TRIM41: variants seen among roughly 807,000 people sequenced by gnomAD.
The protein encoded by TRIM41 is tripartite motif containing 41, also known as E3 ubiquitin-protein ligase TRIM41.
Under a neutral mutation model 60.6 loss-of-function variants are expected in TRIM41, and 21 were observed. That is an observed-to-expected ratio of 0.35 (90% CI 0.25 to 0.50). The LOEUF (loss-of-function observed/expected upper bound fraction) is 0.50. TRIM41 is among the 20% of genes least tolerant of loss of function. TRIM41 has a pLI of 0.98. For missense variants in TRIM41, 846 were observed against 868.3 expected, an observed-to-expected ratio of 0.97 and a Z score of 0.32; for synonymous variants, 407 against 344.9, an observed-to-expected ratio of 1.18 and a Z score of -2.00.
Position 181,235,490 on chromosome 5 carries a change from C to A in TRIM41, c.*715C>A, listed in dbSNP as rs1397011372. The A allele has an allele frequency of 6.6e-7, 1 of 1,524,498 alleles. No homozygotes were observed. Among genetic ancestry groups the A allele is most frequent in the East Asian group, 2.4e-5 (1 of 41,850 alleles). 94.4% of individuals were successfully genotyped at this position (1,524,498 alleles called of 1,614,324 possible). On this transcript the variant is annotated 3_prime_UTR_variant, in exon 6 of 6. Coordinates refer to ENST00000315073, the MANE Select transcript of TRIM41 (RefSeq NM_033549.5). ...CCCCCTTCCCTTTTCCAGCACTCAA[C>A]CAAGGAGCAAAGCTCATCCCACCCC...
At position 181,233,952 on chromosome 5, in the gene TRIM41, G is replaced by A; in HGVS notation, c.1291+189G>A. 1 of 1,156,518 alleles carries A rather than the reference G, an allele frequency of 8.6e-7. No homozygotes were observed. The highest frequency in any genetic ancestry group is 1.2e-6 in the Non-Finnish European group (1 of 815,044). 71.6% of individuals were successfully genotyped at this position (1,156,518 alleles called of 1,614,324 possible). A position where few individuals can be genotyped will look rare whatever the true frequency, so the allele number is the denominator to read the frequency against. ...AGTGCAGGCAGGCCTGGAGGGTGGG[G>A]TGGGGTGGAGTGGCAGGAAGAGCCA... On this transcript the variant is annotated intron_variant, in intron 5 of 5. Coordinates refer to ENST00000315073, the MANE Select transcript of TRIM41 (RefSeq NM_033549.5). This position sits in a 1 kb window ranked among gnomAD's most constrained non-coding sequence, Gnocchi z 4.1.
chr5:181,224,658 G>A lies in TRIM41; in HGVS notation c.659G>A (p.Arg220His). 6.2e-7 allele frequency: 1 copy of A among 1,614,230 alleles called. No individual in the cohort carries two copies. Among genetic ancestry groups the A allele is most frequent in the Non-Finnish European group, 8.5e-7 (1 of 1,180,044 alleles). The change falls in exon 1 of 6, where the codon CGC becomes CAC. Residue 220 changes from arginine to histidine, a missense_variant. Coordinates refer to ENST00000315073, the MANE Select transcript of TRIM41 (RefSeq NM_033549.5). Reference protein sequence around the residue: ...QMHPTPGRGSRVTDQGICPKH... With the variant: ...QMHPTPGRGSHVTDQGICPKH... Reference sequence around the variant, plus strand: ...CACCCAACCCCTGGTCGAGGGAGCCGCGTGACCGATCAGGGCATCTGTCCC... The same window carrying A: ...CACCCAACCCCTGGTCGAGGGAGCCACGTGACCGATCAGGGCATCTGTCCC...
chr5:181,223,646 G>A lies in TRIM41; in HGVS notation c.-354G>A, dbSNP rs1183752786. On this transcript the variant is annotated 5_prime_UTR_variant, in exon 1 of 6. Transcript: ENST00000315073. ...GAGCTTAGGTGGTGTGTAGACGCCG[G>A]AAGTGTTGGGAAGGAGGCCGGAAGC... 4 of 489,596 alleles carry A rather than the reference G, an allele frequency of 8.2e-6. No individual in the cohort carries two copies. In the Admixed American group the frequency reaches 1.5e-4, roughly 18 times the overall value. 30.3% of individuals were successfully genotyped at this position (489,596 alleles called of 1,614,324 possible).
Position 181,232,766 on chromosome 5 carries a change from T to C in TRIM41, c.1017T>C (p.His339=), listed in dbSNP as rs145560828. ...TGGAACGGCGTCTCAGAGAGATGCATGAAGCCCAGCTGGGGCGTGCGGGAG... is the reference window on the plus strand; with the variant it reads ...TGGAACGGCGTCTCAGAGAGATGCACGAAGCCCAGCTGGGGCGTGCGGGAG... ...AGLERRLREM[H]EAQLGRAGAA... Residue 339 remains histidine, a synonymous_variant, in exon 3 of 6, where the codon CAT becomes CAC. Transcript: ENST00000315073. The C allele has an allele frequency of 9.9e-6, 16 of 1,613,292 alleles. No individual in the cohort carries two copies. Among genetic ancestry groups the C allele is most frequent in the African/African-American group, 1.3e-5 (1 of 74,936 alleles).
chr5:181,232,073 A>G (rs762832319), intron 2 of TRIM41: 7 of 152,268 alleles, frequency 4.6e-5, no homozygotes, highest in Non-Finnish European at 1.0e-4. Flanking sequence ...TCTTAAGGTC[A>G]CTGTGTTTAA....
chr5:181,235,318 A>C lies in TRIM41; in HGVS notation c.*543A>C. 2 of 1,614,166 alleles carry C rather than the reference A, an allele frequency of 1.2e-6. No individual in the cohort carries two copies. The highest frequency in any genetic ancestry group is 8.5e-7 in the Non-Finnish European group (1 of 1,180,024). ...TATTCTCCTGGGGAGGAGGGATTCT[A>C]AACTTTCCTTCCGTCCTCAATTTCT... is the stretch of plus-strand genomic sequence containing the variant. On this transcript the variant is annotated 3_prime_UTR_variant, in exon 6 of 6. Coordinates refer to ENST00000315073, the MANE Select transcript of TRIM41 (RefSeq NM_033549.5).
In TRIM41 at chr5:181,224,494, A is replaced by G. The variant is rs1177016249; in HGVS notation, c.495A>G (p.Leu165=). The change falls in exon 1 of 6, where the codon CTA becomes CTG. Residue 165 remains leucine (L), a synonymous_variant. Coordinates refer to ENST00000315073, the MANE Select transcript of TRIM41 (RefSeq NM_033549.5). ...TGGAGGAGGTTGAGGAAGAGGATCTAGACCCCGTCACCCCACTGCCCCCGC... is the reference window on the plus strand; with the variant it reads ...TGGAGGAGGTTGAGGAAGAGGATCTGGACCCCGTCACCCCACTGCCCCCGC... ...EVLEEVEEED[L]DPVTPLPPPP... is the part of the protein sequence containing the mutation. The G allele has an allele frequency of 6.2e-7, 1 of 1,613,020 alleles. No homozygotes were observed. The highest frequency in any genetic ancestry group is 1.3e-5 in the African/African-American group (1 of 75,000).
Position 181,235,373 on chromosome 5 carries a change from C to G in TRIM41, c.*598C>G. The G allele has an allele frequency of 6.2e-7, 1 of 1,614,222 alleles. No individual in the cohort carries two copies. Among genetic ancestry groups the G allele is most frequent in the African/African-American group, 1.3e-5 (1 of 75,064 alleles). On this transcript the variant is annotated 3_prime_UTR_variant, in exon 6 of 6. Coordinates refer to ENST00000315073, the MANE Select transcript of TRIM41 (RefSeq NM_033549.5). ...CCATAGACCGGCCAGAATTTAGCTTCACTTGAGAGAGATCTGGAATGGTCG... is the reference window on the plus strand; with the variant it reads ...CCATAGACCGGCCAGAATTTAGCTTGACTTGAGAGAGATCTGGAATGGTCG...
In TRIM41 at chr5:181,234,934, G is replaced by A. The variant is rs749430829; in HGVS notation, c.*159G>A. ...CAGGCCCCTGCTTCTCCCTCTAGGAGCCTAAAGAACCCTCCTGGCCTCCAG... is the reference window on the plus strand; with the variant it reads ...CAGGCCCCTGCTTCTCCCTCTAGGAACCTAAAGAACCCTCCTGGCCTCCAG... On this transcript the variant is annotated 3_prime_UTR_variant, in exon 6 of 6. Coordinates refer to ENST00000315073, the MANE Select transcript of TRIM41 (RefSeq NM_033549.5). The surrounding 1 kb of genome is among the most constrained non-coding windows in gnomAD (Gnocchi z 5.6). 2.3e-5 allele frequency: 37 copies of A among 1,613,656 alleles called. No homozygotes were observed. In the Middle Eastern group the frequency reaches 4.9e-4, roughly 22 times the overall value.
In TRIM41 at chr5:181,234,069, G is replaced by A. The variant is rs1758932707; in HGVS notation, c.1292-105G>A. 3 of 1,570,470 alleles carry A rather than the reference G, an allele frequency of 1.9e-6. No individual in the cohort carries two copies. Among genetic ancestry groups the A allele is most frequent in the African/African-American group, 1.3e-5 (1 of 74,396 alleles). On this transcript the variant is annotated intron_variant, in intron 5 of 5. Transcript: ENST00000315073. The surrounding 1 kb of genome is among the most constrained non-coding windows in gnomAD (Gnocchi z 5.6). ...CTGAGGCTGGCCTCTGGGATGGTGT[G>A]GGGAGCTGGATTCAGGGAGAAAGGG...
chr5:181,224,499 C>T lies in TRIM41; in HGVS notation c.500C>T (p.Pro167Leu), dbSNP rs768310831. Reference sequence around the variant, plus strand: ...GAGGTTGAGGAAGAGGATCTAGACCCCGTCACCCCACTGCCCCCGCCTCCA... The same window carrying T: ...GAGGTTGAGGAAGAGGATCTAGACCTCGTCACCCCACTGCCCCCGCCTCCA... ...LEEVEEEDLDPVTPLPPPPAP... is the reference protein window; with the variant it reads ...LEEVEEEDLDLVTPLPPPPAP... Residue 167 changes from proline (P) to leucine (L), a missense_variant, in exon 1 of 6, where the codon CCC becomes CTC. Physicochemically the swap from Pro to Leu is moderately conservative, Grantham distance 98. Transcript: ENST00000315073. The T allele has an allele frequency of 1.9e-6, 3 of 1,612,534 alleles. No homozygotes were observed. Among genetic ancestry groups the T allele is most frequent in the South Asian group, 1.1e-5 (1 of 90,970 alleles).
At chr5:181,226,423 C>G (rs962863672) in intron 1 of TRIM41, 2 of 152,140 alleles carry the variant, frequency 1.3e-5, no homozygotes, top group Non-Finnish European at 2.9e-5. Flanking sequence ...ATTGTTAAAC[C>G]TGCCTGATTG....
At position 181,232,833 on chromosome 5, in the gene TRIM41, C is replaced by T. The variant is rs544208132; in HGVS notation, c.1084C>T (p.Arg362Cys). 2.7e-5 allele frequency: 43 copies of T among 1,566,144 alleles called. No individual in the cohort carries two copies. Among genetic ancestry groups the T allele is most frequent in the African/African-American group, 6.8e-5 (5 of 73,924 alleles). ...TGCAGAACAGGCCGCCCAGCTCAGC[C>T]GCCTGCTGGCAGAGGCCCAGGAGCG... ...RLAEQAAQLSRLLAEAQERSQ... is the reference protein window; with the variant it reads ...RLAEQAAQLSCLLAEAQERSQ... The change falls in exon 3 of 6, where the codon CGC becomes TGC. Residue 362 changes from arginine (R) to cysteine (C), a missense_variant. By Grantham distance (180) the Arg-to-Cys change is radical (BLOSUM62 -3). Coordinates refer to ENST00000315073, the MANE Select transcript of TRIM41 (RefSeq NM_033549.5).
chr5:181,224,021 C>T lies in TRIM41; in HGVS notation c.22C>T (p.Pro8Ser), dbSNP rs752707555. 12 of 1,613,816 alleles carry T rather than the reference C, an allele frequency of 7.4e-6. No homozygotes were observed. The East Asian group carries it at 2.2e-4, about 30-fold the overall frequency. Residue 8 changes from proline (P) to serine (S), a missense_variant, in exon 1 of 6, where the codon CCC (proline) becomes TCC (serine). Pro to Ser is a moderately conservative substitution (Grantham distance 74). Transcript: ENST00000315073. MAAVAMT[P>S]NPVQTLQEEA... is the part of the protein sequence containing the mutation. ...TAAGATGGCTGCCGTTGCCATGACA[C>T]CCAACCCTGTGCAGACCCTTCAGGA...
At position 181,235,660 on chromosome 5, in the gene TRIM41, G is replaced by A. The variant is rs573433386; in HGVS notation, c.*885G>A. The A allele has an allele frequency of 6.1e-4, 301 of 492,450 alleles. 3 individuals carry two copies. The highest frequency in any genetic ancestry group is 2.8e-4 in the South Asian group (10 of 35,416). 30.5% of individuals were successfully genotyped at this position (492,450 alleles called of 1,614,324 possible). On this transcript the variant is annotated 3_prime_UTR_variant, in exon 6 of 6. Coordinates refer to ENST00000315073, the MANE Select transcript of TRIM41 (RefSeq NM_033549.5). The stretch of plus-strand genomic sequence containing the variant: ...TGGGGACGGGTTTGGGTCCCCAGGA[G>A]GAGAGCCTTGGGTATAATCTATTTT...
chr5:181,226,146 C>G (rs908410011), intron 1 of TRIM41: 3 of 151,778 alleles, frequency 2.0e-5, no homozygotes, highest in Non-Finnish European at 4.4e-5. Flanking sequence ...ACTCTATTGC[C>G]CAGGCTGAAG....
chr5:181,227,662 TTATTCTTTTCAGA>T (rs1758607703), intron 1 of TRIM41: 1 of 152,290 alleles, frequency 6.6e-6, no homozygotes, highest in Admixed American at 6.5e-5. Context: ...AGTGGGTCAT[TTATTCTTTTCAGA>T]TATGTACATG....
At position 181,232,873 on chromosome 5, in the gene TRIM41, G is replaced by A. The variant is rs1281970064; in HGVS notation, c.1124G>A (p.Gly375Asp). The A allele has an allele frequency of 6.5e-7, 1 of 1,541,564 alleles. No individual in the cohort carries two copies. Among genetic ancestry groups the A allele is most frequent in the South Asian group, 1.2e-5 (1 of 84,756 alleles). The change falls in exon 3 of 6, where the codon GGT (glycine) becomes GAT (aspartate). Residue 375 changes from glycine (G) to aspartate (D), a missense_variant. By Grantham distance (94) the Gly-to-Asp change is moderately conservative. Coordinates refer to ENST00000315073, the MANE Select transcript of TRIM41 (RefSeq NM_033549.5). ...AEAQERSQQGGLRLLQDIKET... is the reference protein window; with the variant it reads ...AEAQERSQQGDLRLLQDIKET... Reference sequence around the variant, plus strand: ...GCCCAGGAGCGGAGCCAGCAGGGGGGTCTCCGGCTGCTCCAGGTGAGCAAT... The same window carrying A: ...GCCCAGGAGCGGAGCCAGCAGGGGGATCTCCGGCTGCTCCAGGTGAGCAAT...
Position 181,234,235 on chromosome 5 carries a change from G to C in TRIM41, c.1353G>C (p.Arg451=), listed in dbSNP as rs1407617935. 1 of 1,613,426 alleles carries C rather than the reference G, an allele frequency of 6.2e-7. No homozygotes were observed. Among genetic ancestry groups the C allele is most frequent in the Admixed American group, 1.7e-5 (1 of 60,024 alleles). Reference sequence around the variant, plus strand: ...CCCTGATGCTGTCCCCTGACCGCCGGGGGGTCCGCCTGGCAGAGCGGCGGC... The same window carrying C: ...CCCTGATGCTGTCCCCTGACCGCCGCGGGGTCCGCCTGGCAGAGCGGCGGC... ...HPALMLSPDR[R]GVRLAERRQE... The change falls in exon 6 of 6, where the codon CGG becomes CGC. Residue 451 remains arginine, a synonymous_variant. Transcript: ENST00000315073. This position sits in a 1 kb window ranked among gnomAD's most constrained non-coding sequence, Gnocchi z 5.6.
Sources: gnomAD v4.1 joint callset for allele counts on GRCh38, gnomAD v4.1.1 for gene constraint, Gnocchi (gnomAD v3.1) non-coding constraint, MANE v1.5 for transcripts, NCBI Gene and HGNC (gene_info 2026-07-23, HGNC 2026-07-21) for gene names.